Variants in IMMP2L observed in about 807,000 individuals in gnomAD.
IMMP2L encodes mitochondrial inner membrane protease subunit 2.
IMMP2L carries 18 observed loss-of-function variants against 19.3 expected under a neutral mutation model. That is an observed-to-expected ratio of 0.93 (90% CI 0.64 to 1.38). The LOEUF (loss-of-function observed/expected upper bound fraction) is 1.38, where lower values mean the gene tolerates loss of function less well. Among genes scored for constraint, IMMP2L ranks in the 40% most tolerant of loss-of-function variants. The pLI, the probability that IMMP2L is intolerant of heterozygous loss-of-function variation, is 0.00. For synonymous variants in IMMP2L, 76 were observed against 73.0 expected (o/e 1.04, Z -0.21); for missense variants, 233 against 218.2 (o/e 1.07, Z -0.43).
At chr7:110,838,601 C>T (rs578104674) in intron 5 of IMMP2L, among the ~76,000 whole-genome samples, 48 of 151,738 alleles carry the variant, frequency 3.2e-4, no homozygotes, top group Non-Finnish European at 4.7e-4. Context: ...CGAATGAGGA[C>T]GTGAGCATGC....
intron 3 of IMMP2L, among the ~76,000 whole-genome samples, chr7:111,030,080 T>C (rs1310287614): frequency 6.6e-6 from 1 of 152,146 alleles, no homozygotes; most frequent in Non-Finnish European, 1.5e-5. Flanking sequence ...TTCCAGCTCA[T>C]TACCACAAAA....
intron 3 of IMMP2L, among the ~76,000 whole-genome samples, chr7:111,427,945 G>A (rs754880680): frequency 4.0e-5 from 6 of 151,652 alleles, no homozygotes; most frequent in Non-Finnish European, 7.4e-5. Flanking sequence ...TAATTTTGCT[G>A]GAATACTAAT....
chr7:110,844,381 T>C (rs945959664), intron 5 of IMMP2L, among the ~76,000 whole-genome samples: 1 of 151,754 alleles, frequency 6.6e-6, no homozygotes, highest in Non-Finnish European at 1.5e-5. Flanking sequence ...TGTAAGGACA[T>C]AAGAGAGAAA....
intron 4 of IMMP2L, among the ~76,000 whole-genome samples, chr7:110,904,266 C>T (rs186697799): frequency 6.6e-6 from 1 of 152,214 alleles, no homozygotes; most frequent in African/African-American, 2.4e-5. Flanking sequence ...CATAGTGCCA[C>T]TCGTTTATTT....
chr7:111,240,167 C>T (rs73420096), intron 3 of IMMP2L, among the ~76,000 whole-genome samples: 1 of 152,046 alleles, frequency 6.6e-6, no homozygotes, highest in African/African-American at 2.4e-5. Context: ...GGATGTATAG[C>T]TACTGCTATG....
At chr7:110,745,961 T>C (rs1797313562) in intron 5 of IMMP2L, among the ~76,000 whole-genome samples, 1 of 152,016 alleles carries the variant, frequency 6.6e-6, no homozygotes, top group Non-Finnish European at 1.5e-5. Flanking sequence ...ACTGGCAAAT[T>C]GGATGAAGAG....
At chr7:111,443,019 C>T (rs1302769965) in intron 3 of IMMP2L, among the ~76,000 whole-genome samples, 1 of 151,928 alleles carries the variant, frequency 6.6e-6, no homozygotes, top group African/African-American at 2.4e-5. Context: ...TCGCTTCAGA[C>T]ATACTGAGGA....
At chr7:111,319,075 GT>G (rs1824401701) in intron 3 of IMMP2L, among the ~76,000 whole-genome samples, 1 of 152,078 alleles carries the variant, frequency 6.6e-6, no homozygotes, top group Non-Finnish European at 1.5e-5. Context: ...GTGGCTTAAT[GT>G]AAGGCTAAGT....
chr7:111,290,335 T>A (rs1197064540), intron 3 of IMMP2L, among the ~76,000 whole-genome samples: 2 of 152,252 alleles, frequency 1.3e-5, no homozygotes, highest in African/African-American at 4.8e-5. Context: ...ATATGAGGAA[T>A]AAGAAAAATT....
chr7:111,069,227 G>GCTTC lies in IMMP2L; in HGVS notation c.240-105663_240-105662insGAAG, dbSNP rs1794754977. 2.6e-5 allele frequency among the ~76,000 whole-genome samples: 4 copies of GCTTC among 152,174 alleles called. 1 individual carries two copies. The South Asian group carries it at 8.3e-4, about 32-fold the overall frequency. ...GGTGATGACTGCTGGGCATGAAGAA[G>GCTTC]GATGCTTTGTGCTCAGTGAGAAGGA... On this transcript the variant is annotated intron_variant, in intron 3 of 5. Coordinates refer to ENST00000405709, the MANE Select transcript of IMMP2L (RefSeq NM_032549.4).
chr7:110,954,016 T>C lies in IMMP2L; in HGVS notation c.305+9484A>G, dbSNP rs115411069. On this transcript the variant is annotated intron_variant, in intron 4 of 5. Transcript: ENST00000405709. ...TTCGCCCACTTTTTGATGGTGTTGT[T>C]TGCCTAATCTTTTCAGTGTGACATA... 4.3e-3 allele frequency among the ~76,000 whole-genome samples: 650 copies of C among 152,268 alleles called. 4 individuals carry two copies. Among genetic ancestry groups the C allele is most frequent in the African/African-American group, 0.015 (627 of 41,576 alleles).
At chr7:110,848,393 G>A (rs908056098) in intron 5 of IMMP2L, among the ~76,000 whole-genome samples, 2 of 152,082 alleles carry the variant, frequency 1.3e-5, no homozygotes, top group African/African-American at 4.8e-5. Flanking sequence ...GCCAAAATCC[G>A]AAATGCTGAC....
At chr7:111,093,154 A>G (rs1399228046) in intron 3 of IMMP2L, among the ~76,000 whole-genome samples, 1 of 152,118 alleles carries the variant, frequency 6.6e-6, no homozygotes, top group African/African-American at 2.4e-5. Flanking sequence ...AGTGGCTTCG[A>G]TTTTCTCTCT....
chr7:111,387,167 T>C (rs1203486506), intron 3 of IMMP2L, among the ~76,000 whole-genome samples: 2 of 152,166 alleles, frequency 1.3e-5, no homozygotes, highest in African/African-American at 2.4e-5. Flanking sequence ...AGATAACATT[T>C]ACCCACAGGA....
chr7:111,057,979 A>G (rs1793668655), intron 3 of IMMP2L, among the ~76,000 whole-genome samples: 1 of 152,198 alleles, frequency 6.6e-6, no homozygotes. Flanking sequence ...ATTAAATGAA[A>G]GATTATCCAC....
intron 3 of IMMP2L, among the ~76,000 whole-genome samples, chr7:111,382,755 G>C (rs575159546): frequency 1.3e-5 from 2 of 152,170 alleles, no homozygotes; most frequent in African/African-American, 4.8e-5. Context: ...ACAGAAGAAA[G>C]AACACCTCTT....
At chr7:110,982,391 G>C (rs1486325420) in intron 3 of IMMP2L, among the ~76,000 whole-genome samples, 2 of 152,120 alleles carry the variant, frequency 1.3e-5, no homozygotes, top group African/African-American at 4.8e-5. Context: ...TCAAAGTCAA[G>C]TAGTTTTAGC....
intron 3 of IMMP2L, among the ~76,000 whole-genome samples, chr7:111,279,762 TAAAC>T (rs1819497171): frequency 6.6e-6 from 1 of 152,000 alleles, no homozygotes; most frequent in Admixed American, 6.6e-5. Context: ...TAAAGGAAAA[TAAAC>T]AGACATATAA....
intron 3 of IMMP2L, among the ~76,000 whole-genome samples, chr7:111,440,806 G>T (rs370211119): frequency 2.0e-5 from 3 of 151,826 alleles, no homozygotes; most frequent in Admixed American, 2.0e-4. Flanking sequence ...AAGCTGTTTC[G>T]TCTAGCTTAA....
Sources: allele counts gnomAD v4.1 joint callset (sites outside exome capture counted in the v4.1 genomes callset), GRCh38; gene constraint gnomAD v4.1.1; transcripts MANE v1.5; gene names NCBI Gene and HGNC (gene_info 2026-07-23, HGNC 2026-07-21).